Variants in USP6NL observed in about 807,000 individuals in gnomAD.
USP6NL encodes the protein USP6 N-terminal like.
USP6NL carries 26 observed loss-of-function variants against 61.9 expected under a neutral mutation model. The observed-to-expected ratio is 0.42, with a 90% CI of 0.31 to 0.58. The LOEUF (loss-of-function observed/expected upper bound fraction) is 0.58, where lower values mean the gene tolerates loss of function less well. Among genes scored for constraint, USP6NL ranks in the 20% least tolerant of loss-of-function variants. The pLI is 0.16. For synonymous variants in USP6NL, 432 were observed against 390.1 expected, an observed-to-expected ratio of 1.11 and a Z score of -1.27; for missense variants, 1,114 against 1,034.3, an observed-to-expected ratio of 1.08 and a Z score of -1.06.
At chr10:11,488,178 G>A (rs374474820) in intron 10 of USP6NL, among the ~76,000 whole-genome samples, 1 of 152,188 alleles carries the variant, frequency 6.6e-6, no homozygotes, top group African/African-American at 2.4e-5. Flanking sequence ...TTGGGAGGCT[G>A]AGGCGGGAGG....
At chr10:11,567,957 T>C (rs1837224021) in intron 2 of USP6NL, among the ~76,000 whole-genome samples, 2 of 151,892 alleles carry the variant, frequency 1.3e-5, no homozygotes, top group African/African-American at 4.8e-5. Context: ...CCTCTGTCTG[T>C]CTGATTAATG....
chr10:11,534,324 G>C (rs1835758082), intron 2 of USP6NL, among the ~76,000 whole-genome samples: 1 of 152,178 alleles, frequency 6.6e-6, no homozygotes, highest in South Asian at 2.1e-4. Flanking sequence ...CCTGAATAAA[G>C]TCCACTTTCC....
intron 2 of USP6NL, among the ~76,000 whole-genome samples, chr10:11,538,036 C>T (rs903448182): frequency 6.6e-6 from 1 of 152,164 alleles, no homozygotes; most frequent in African/African-American, 2.4e-5. Context: ...ATACATAGAG[C>T]ACCTTGCGTC....
chr10:11,481,113 C>A lies in USP6NL; in HGVS notation c.1078+657G>T, dbSNP rs1380978161. Among the ~76,000 whole-genome samples, 2 of 152,212 alleles carry A rather than the reference C, an allele frequency of 1.3e-5. No individual in the cohort carries two copies. The highest frequency in any genetic ancestry group is 2.9e-5 in the Non-Finnish European group (2 of 68,050). On this transcript the variant is annotated intron_variant, in intron 14 of 14. Transcript: ENST00000609104. This position sits in a 1 kb window ranked among gnomAD's most constrained non-coding sequence, Gnocchi z 4.4. Reference sequence around the variant, plus strand: ...TCTCGTATATTCTAGCTCTCCAGTGCACACCCTGAGAGCTTCTCATCTTTC... The same window carrying A: ...TCTCGTATATTCTAGCTCTCCAGTGAACACCCTGAGAGCTTCTCATCTTTC...
At chr10:11,549,587 T>G (rs35810532) in intron 2 of USP6NL, among the ~76,000 whole-genome samples, 1 of 152,020 alleles carries the variant, frequency 6.6e-6, no homozygotes, top group Non-Finnish European at 1.5e-5. Context: ...ATTTTATGTA[T>G]AGTTCTTTAT....
chr10:11,541,478 A>C (rs1566168627), intron 2 of USP6NL, among the ~76,000 whole-genome samples: 1 of 151,982 alleles, frequency 6.6e-6, no homozygotes, highest in Non-Finnish European at 1.5e-5. Flanking sequence ...TGCAAAGATC[A>C]CACAGTTCTT....
rs1564243871 is a variant in USP6NL, at chr10:11,600,250, G to A, written c.-83-2533C>T. Among the ~76,000 whole-genome samples, 1 of 152,146 alleles carries A rather than the reference G, an allele frequency of 6.6e-6. No homozygotes were observed. Among genetic ancestry groups the A allele is most frequent in the Non-Finnish European group, 1.5e-5 (1 of 68,024 alleles). ...CAGGTACTCTAAGTCTAAGGGCGTG[G>A]CCATATGACTTGCTGGAATGGTTCT... On this transcript the variant is annotated intron_variant, in intron 1 of 14. Coordinates refer to ENST00000609104, the MANE Select transcript of USP6NL (RefSeq NM_014688.5). The surrounding 1 kb of genome is among the most constrained non-coding windows in gnomAD (Gnocchi z 4.1).
chr10:11,517,151 C>T lies in USP6NL; in HGVS notation c.195+1384G>A, dbSNP rs12775978. ...AAAGACACTGTAACACTTGAAGGGA[C>T]AATCTCTGCCAGTCTTTATGTCAAT... is the stretch of plus-strand genomic sequence containing the variant. On this transcript the variant is annotated intron_variant, in intron 5 of 14. Coordinates refer to ENST00000609104, the MANE Select transcript of USP6NL (RefSeq NM_014688.5). 7.4e-3 allele frequency among the ~76,000 whole-genome samples: 1,126 copies of T among 152,320 alleles called. 3 individuals are homozygous for T. Among genetic ancestry groups the T allele is most frequent in the South Asian group, 0.012 (57 of 4,828 alleles).
chr10:11,591,490 C>G lies in USP6NL; in HGVS notation c.4+6141G>C, dbSNP rs1838157176. On this transcript the variant is annotated intron_variant, in intron 2 of 14. Coordinates refer to ENST00000609104, the MANE Select transcript of USP6NL (RefSeq NM_014688.5). The surrounding 1 kb of genome is among the most constrained non-coding windows in gnomAD (Gnocchi z 4.7). ...TAAGATTTAACTAGTAAAAATAATT[C>G]AGAAGCTTTACTAAGCTTATACTAC... Among the ~76,000 whole-genome samples the G allele has an allele frequency of 6.6e-6, 1 of 151,992 alleles. No individual in the cohort carries two copies.
rs1007462504 is a variant in USP6NL, at chr10:11,496,348, A to G, written c.385-3120T>C. ...AGCCTTACGGAGATTCTGAGCTACT[A>G]ATCAGGTTGCTTCTCCAATTCCCAC... On this transcript the variant is annotated intron_variant, in intron 7 of 14. Transcript: ENST00000609104. The surrounding 1 kb of genome is among the most constrained non-coding windows in gnomAD (Gnocchi z 5.4). Among the ~76,000 whole-genome samples the G allele has an allele frequency of 2.0e-5, 3 of 152,202 alleles. No homozygotes were observed. The highest frequency in any genetic ancestry group is 7.2e-5 in the African/African-American group (3 of 41,446).
Position 11,474,907 on chromosome 10 carries a change from T to C in USP6NL, c.1078+6863A>G, listed in dbSNP as rs1832902459. On this transcript the variant is annotated intron_variant, in intron 14 of 14. Transcript: ENST00000609104. This position sits in a 1 kb window ranked among gnomAD's most constrained non-coding sequence, Gnocchi z 4.9. The stretch of plus-strand genomic sequence containing the variant: ...CTGCGGACAGAAAAGTGCTATACCT[T>C]ACACTAAGGAGTGTGGATGTTCTCC... Among the ~76,000 whole-genome samples the C allele has an allele frequency of 6.6e-6, 1 of 152,152 alleles. No individual in the cohort carries two copies. Among genetic ancestry groups the C allele is most frequent in the South Asian group, 2.1e-4 (1 of 4,834 alleles).
chr10:11,536,821 A>G (rs1835852587), intron 2 of USP6NL, among the ~76,000 whole-genome samples: 1 of 152,248 alleles, frequency 6.6e-6, no homozygotes, highest in Admixed American at 6.5e-5. Flanking sequence ...AAACCCATTT[A>G]TCTCCATCTT....
rs570778552 is a variant in USP6NL, at chr10:11,561,439, G to A, written c.5-33872C>T. ...TGCATACGTGCACAAGAACATATAC[G>A]AACACACGCATATGTATAAGGCACA... On this transcript the variant is annotated intron_variant, in intron 2 of 14. Transcript: ENST00000609104. The surrounding 1 kb of genome is among the most constrained non-coding windows in gnomAD (Gnocchi z 4.1). Among the ~76,000 whole-genome samples, 6 of 152,152 alleles carry A rather than the reference G, an allele frequency of 3.9e-5. No individual in the cohort carries two copies. Among genetic ancestry groups the A allele is most frequent in the African/African-American group, 9.6e-5 (4 of 41,508 alleles).
At chr10:11,469,232 C>T (rs1430992099) in intron 14 of USP6NL, among the ~76,000 whole-genome samples, 1 of 152,198 alleles carries the variant, frequency 6.6e-6, no homozygotes, top group Non-Finnish European at 1.5e-5. Context: ...TTTCCCTCCC[C>T]CTAGTAGGCT....
At chr10:11,479,482 AG>A (rs1833101466) in intron 14 of USP6NL, among the ~76,000 whole-genome samples, 3 of 152,122 alleles carry the variant, frequency 2.0e-5, no homozygotes, top group Admixed American at 1.3e-4. Flanking sequence ...CTAGGAAAAC[AG>A]GCCTCATTGC....
At chr10:11,517,494 C>T (rs916628668) in intron 5 of USP6NL, among the ~76,000 whole-genome samples, 1 of 152,146 alleles carries the variant, frequency 6.6e-6, no homozygotes, top group Non-Finnish European at 1.5e-5. Flanking sequence ...TTATTTAATC[C>T]TAGCATTCTA....
chr10:11,530,842 G>T (rs1358516347), intron 2 of USP6NL, among the ~76,000 whole-genome samples: 1 of 152,168 alleles, frequency 6.6e-6, no homozygotes, highest in East Asian at 1.9e-4. Flanking sequence ...TTAAATTATG[G>T]CTCATACTAT....
chr10:11,526,961 C>T (rs941564243), intron 3 of USP6NL, among the ~76,000 whole-genome samples: 3 of 152,044 alleles, frequency 2.0e-5, no homozygotes, highest in Non-Finnish European at 2.9e-5. Context: ...ATGAACGCAA[C>T]GGATATGTAA....
In USP6NL at chr10:11,575,938, G is replaced by A. The variant is rs1429430592; in HGVS notation, c.4+21693C>T. On this transcript the variant is annotated intron_variant, in intron 2 of 14. Transcript: ENST00000609104. The surrounding 1 kb of genome is among the most constrained non-coding windows in gnomAD (Gnocchi z 4.2). ...AATACGGGACATTTTGGGAGAAGAGGTGAAATTTGAATATAGTCTATAGAT... is the reference window on the plus strand; with the variant it reads ...AATACGGGACATTTTGGGAGAAGAGATGAAATTTGAATATAGTCTATAGAT... Among the ~76,000 whole-genome samples, 2 of 152,120 alleles carry A rather than the reference G, an allele frequency of 1.3e-5. No homozygotes were observed. Among genetic ancestry groups the A allele is most frequent in the Non-Finnish European group, 2.9e-5 (2 of 68,026 alleles).
Sources: gnomAD v4.1 joint callset for allele counts (sites outside exome capture counted in the v4.1 genomes callset) on GRCh38, gnomAD v4.1.1 for gene constraint, Gnocchi (gnomAD v3.1) non-coding constraint, MANE v1.5 for transcripts, NCBI Gene and HGNC (gene_info 2026-07-23, HGNC 2026-07-21) for gene names.